Variants in CSF1R observed in about 807,000 individuals in gnomAD.
CSF1R encodes the protein colony stimulating factor 1 receptor, also known as macrophage colony-stimulating factor 1 receptor.
A neutral mutation model predicts 110.0 loss-of-function variants in CSF1R; 40 were observed. The ratio of observed to expected loss-of-function variants is 0.36; its 90% CI spans 0.28 to 0.47. The LOEUF is 0.47. CSF1R is among the 20% of genes least tolerant of loss of function. The pLI is 0.99. For synonymous variants in CSF1R, 523 were observed against 503.4 expected, an observed-to-expected ratio of 1.04 and a Z score of -0.52; for missense variants, 1,052 against 1,253.0, an observed-to-expected ratio of 0.84 and a Z score of 2.42.
chr5:150,112,733 C>T (rs6874642), intron 1 of CSF1R, among the ~76,000 whole-genome samples: 24,510 of 152,166 alleles, frequency 0.16, 2,516 homozygotes, highest in Admixed American at 0.28. Context: ...TTATAGCCGT[C>T]GGGTATTTTC....
intron 5 of CSF1R, among the ~76,000 whole-genome samples, chr5:150,076,177 C>T (rs1758250417): frequency 6.6e-6 from 1 of 152,318 alleles, no homozygotes; most frequent in Non-Finnish European, 1.5e-5. Flanking sequence ...GACTCTTCCA[C>T]ACACCACTGG....
At position 150,112,971 on chromosome 5, in the gene CSF1R, T is replaced by A. The variant is rs1365667719; in HGVS notation, c.-181+290A>T. On this transcript the variant is annotated intron_variant, in intron 1 of 21. Coordinates refer to the CSF1R transcript ENST00000286301. ...GGGGCTAAGGACACACAGTGATGGA[T>A]CTGAGGCTGACATCTGGTCCACCTC... Among the ~76,000 whole-genome samples the A allele has an allele frequency of 2.0e-5, 3 of 152,154 alleles. No homozygotes were observed. In the South Asian group the frequency reaches 6.2e-4, roughly 32 times the overall value.
upstream of CSF1R, among the ~76,000 whole-genome samples, chr5:150,090,523 G>T (rs1759005790): frequency 6.6e-6 from 1 of 152,180 alleles, no homozygotes; most frequent in Non-Finnish European, 1.5e-5. Flanking sequence ...CAATGTCTTT[G>T]TGCTTTACAG....
In CSF1R at chr5:150,056,319, G is replaced by A. The variant is rs587777247; in HGVS notation, c.2342C>T (p.Ala781Val). ...ACCATTGGTCAACAGCACGTTACGC[G>A]CTGCCACGTCCCGGTGGATGCACTG... ...SKNCIHRDVAARNVLLTNGHV... is the reference protein window; with the variant it reads ...SKNCIHRDVAVRNVLLTNGHV... Residue 781 changes from alanine to valine, a missense_variant, in exon 17 of 21, where the codon GCG becomes GTG. Transcript: ENST00000675795. 6.2e-7 allele frequency: 1 copy of A among 1,614,126 alleles called. No homozygotes were observed. The highest frequency in any genetic ancestry group is 8.5e-7 in the Non-Finnish European group (1 of 1,180,030).
rs1440564066 is a variant in CSF1R, at chr5:150,082,354, C to T, written c.50-1330G>A. 3.9e-5 allele frequency among the ~76,000 whole-genome samples: 6 copies of T among 152,248 alleles called. No homozygotes were observed. In the South Asian group the frequency reaches 8.3e-4, roughly 21 times the overall value. ...GCCCAGAATTGGAAAGGTTTCCTCT[C>T]TCAAGTCCTTTCAGGATGGCTTAAT... On this transcript the variant is annotated intron_variant, in intron 1 of 20. Transcript: ENST00000675795.
At chr5:150,079,953 G>GC in intron 3 of CSF1R, 99 bp downstream of exon 3, 3 of 1,378,354 alleles carry the variant, frequency 2.2e-6, no homozygotes, top group South Asian at 2.6e-5. Context: ...ACATCCCACT[G>GC]CCCCCCATCA....
At chr5:150,071,343 T>C (rs961843602) in intron 6 of CSF1R, among the ~76,000 whole-genome samples, 6 of 152,200 alleles carry the variant, frequency 3.9e-5, no homozygotes, top group African/African-American at 1.2e-4. Context: ...GTTGTTTAGG[T>C]AATAAATACA....
At chr5:150,054,481 G>C (rs1402949676) in intron 19 of CSF1R, 51 bp from the exon 20 acceptor site, 1 of 1,494,274 alleles carries the variant, frequency 6.7e-7, no homozygotes, top group Admixed American at 1.9e-5. Flanking sequence ...GGGTCCAGGG[G>C]CCATTAACAC....
chr5:150,056,496 A>G (rs1757224094), intron 16 of CSF1R, among the ~76,000 whole-genome samples, 155 bp from the exon 17 acceptor site: 1 of 152,072 alleles, frequency 6.6e-6, no homozygotes, highest in South Asian at 2.1e-4. Flanking sequence ...TATACCTTCT[A>G]CCAGGGCCCA....
In CSF1R at chr5:150,094,514, G is replaced by A; in HGVS notation, c.-180-7907C>T. The A allele has an allele frequency of 2.5e-6, 4 of 1,600,000 alleles. 1 individual carries two copies. In the Middle Eastern group the frequency reaches 5.0e-4, roughly 198 times the overall value. The stretch of plus-strand genomic sequence containing the variant: ...AGATGTACAGGACTGAAATTCGAAT[G>A]GCGAGGATGGCAAGAAAAGCTGGCA... On this transcript the variant is annotated intron_variant, in intron 1 of 21. Coordinates refer to the CSF1R transcript ENST00000286301.
chr5:150,058,973 CA>C (rs1283624102), intron 14 of CSF1R, among the ~76,000 whole-genome samples: 1 of 152,180 alleles, frequency 6.6e-6, no homozygotes, highest in Non-Finnish European at 1.5e-5. Context: ...TTTGGTTCCC[CA>C]TGTGGCTCTG....
chr5:150,089,095 A>G (rs896736945), upstream of CSF1R, among the ~76,000 whole-genome samples: 2 of 152,252 alleles, frequency 1.3e-5, no homozygotes, highest in Non-Finnish European at 2.9e-5. Context: ...TTAAGGGCAC[A>G]TGTGAAAAAG....
At chr5:150,056,499 AG>A (rs1757224302) in intron 16 of CSF1R, among the ~76,000 whole-genome samples, 158 bp from the exon 17 acceptor site, 1 of 152,138 alleles carries the variant, frequency 6.6e-6, no homozygotes, top group African/African-American at 2.4e-5. Flanking sequence ...ACCTTCTACC[AG>A]GGCCCAGGAT....
At chr5:150,099,584 G>A (rs2113861385) in intron 1 of CSF1R, among the ~76,000 whole-genome samples, 1 of 152,274 alleles carries the variant, frequency 6.6e-6, no homozygotes. Flanking sequence ...ACAACGATGT[G>A]GATGACTCTC....
intron 1 of CSF1R, among the ~76,000 whole-genome samples, chr5:150,109,919 C>G (rs1455744898): frequency 6.6e-6 from 1 of 152,152 alleles, no homozygotes; most frequent in Non-Finnish European, 1.5e-5. Context: ...ATATAGTGAA[C>G]CCCAAGTTTC....
chr5:150,092,029 A>G (rs751409421), intron 1 of CSF1R, among the ~76,000 whole-genome samples: 2 of 152,224 alleles, frequency 1.3e-5, no homozygotes, highest in Non-Finnish European at 2.9e-5. Flanking sequence ...ACTATTTAAA[A>G]CAGACATTGA....
chr5:150,073,219 C>T lies in CSF1R; in HGVS notation c.1082+82G>A. 3.5e-6 allele frequency: 5 copies of T among 1,417,562 alleles called. No homozygotes were observed. The East Asian group carries it at 6.9e-5, about 20-fold the overall frequency. 87.8% of individuals were successfully genotyped at this position (1,417,562 alleles called of 1,614,324 possible). On this transcript the variant is annotated intron_variant, in intron 6 of 20. Transcript: ENST00000675795. ...TCAAGGTCATACACCAAGGTTGGGA[C>T]ATGAGCCAAGCGTCCTGATGCTTGC...
chr5:150,068,552 T>C (rs1157572024), intron 9 of CSF1R, among the ~76,000 whole-genome samples: 5 of 152,054 alleles, frequency 3.3e-5, no homozygotes, highest in African/African-American at 1.2e-4. Context: ...CCCCAAACCC[T>C]GTCCAGAGTC....
intron 1 of CSF1R, among the ~76,000 whole-genome samples, chr5:150,084,467 GA>G (rs1758740129): frequency 1.6e-5 from 1 of 64,360 alleles, no homozygotes; most frequent in African/African-American, 1.0e-4. Context: ...AGAAAGAAAG[GA>G]AGGAGATGGA....
Sources: gnomAD v4.1 joint callset for allele counts (sites outside exome capture counted in the v4.1 genomes callset) on GRCh38, gnomAD v4.1.1 for gene constraint, MANE v1.5 for transcripts, NCBI Gene and HGNC (gene_info 2026-07-23, HGNC 2026-07-21) for gene names.